Variants in SUGT1 observed in about 807,000 individuals in gnomAD.
SUGT1 encodes the protein protein SGT1 homolog.
A neutral mutation model predicts 56.1 loss-of-function variants in SUGT1; 15 were observed. The ratio of observed to expected loss-of-function variants is 0.27; its 90% CI spans 0.18 to 0.41. SUGT1 has a LOEUF of 0.41. Among genes scored for constraint, SUGT1 ranks in the 10% least tolerant of loss-of-function variants. The pLI, the probability that SUGT1 is intolerant of heterozygous loss-of-function variation, is 1.00. For synonymous variants in SUGT1, 123 were observed against 128.6 expected (o/e 0.96, Z 0.30); for missense variants, 347 against 382.2 (o/e 0.91, Z 0.77).
intron 12 of SUGT1, among the ~76,000 whole-genome samples, chr13:52,686,237 T>C (rs1022559657): frequency 6.6e-6 from 1 of 152,170 alleles, no homozygotes; most frequent in African/African-American, 2.4e-5. Context: ...CTTGGGGTAG[T>C]TTATTATACA....
At chr13:52,667,222 A>C (rs897189761) in intron 10 of SUGT1, among the ~76,000 whole-genome samples, 1 of 152,226 alleles carries the variant, frequency 6.6e-6, no homozygotes, top group Non-Finnish European at 1.5e-5. Context: ...AAGATTTGAT[A>C]CTGACAATGT....
intron 2 of SUGT1, among the ~76,000 whole-genome samples, chr13:52,657,030 C>T (rs7334137): frequency 0.52 from 79,115 of 151,950 alleles, 20,827 homozygotes; most frequent in East Asian, 0.74. Flanking sequence ...GAGTTGTGTG[C>T]TATTGTTAGA....
chr13:52,663,500 G>C (rs527656131), intron 7 of SUGT1, among the ~76,000 whole-genome samples: 12 of 152,268 alleles, frequency 7.9e-5, no homozygotes, highest in African/African-American at 2.9e-4. Context: ...ACAGGGTCTT[G>C]CTCTGTCATG....
At chr13:52,678,962 G>A (rs1963259719) in intron 11 of SUGT1, among the ~76,000 whole-genome samples, 1 of 152,052 alleles carries the variant, frequency 6.6e-6, no homozygotes, top group South Asian at 2.1e-4. Context: ...GATTATAGGT[G>A]TGAGCCCCCA....
rs943750504 is a variant in SUGT1 at position 52,687,889 on chromosome 13, T to C, written c.*54T>C. The C allele has an allele frequency of 4.4e-6, 5 of 1,146,666 alleles. No homozygotes were observed. Among genetic ancestry groups the C allele is most frequent in the Non-Finnish European group, 6.1e-6 (5 of 817,072 alleles). 71.0% of individuals were successfully genotyped at this position (1,146,666 alleles called of 1,614,324 possible). A position where few individuals can be genotyped will look rare whatever the true frequency, so the allele number is the denominator to read the frequency against. On this transcript the variant is annotated 3_prime_UTR_variant, in exon 13 of 13. Coordinates refer to ENST00000310528, the MANE Select transcript of SUGT1 (RefSeq NM_006704.5). ...GTATATTCACCTAATGCCCATTGTGTATTGATATTGCATTCTTGAATTTTG... is the reference window on the plus strand; with the variant it reads ...GTATATTCACCTAATGCCCATTGTGCATTGATATTGCATTCTTGAATTTTG...
In SUGT1 at chr13:52,658,496, G is replaced by A. The variant is rs1006123638; in HGVS notation, c.257+28G>A. ...ATGCAGTAGCTACTCTTCTTGTTGAGCTTGGTATAGATAGTAGGTATTTAA... is the reference window on the plus strand; with the variant it reads ...ATGCAGTAGCTACTCTTCTTGTTGAACTTGGTATAGATAGTAGGTATTTAA... On this transcript the variant is annotated intron_variant, in intron 4 of 12. Transcript: ENST00000310528. The A allele has an allele frequency of 2.5e-6, 4 of 1,595,340 alleles. No individual in the cohort carries two copies. In the African/African-American group the frequency reaches 5.4e-5, roughly 22 times the overall value.
chr13:52,676,077 T>C (rs1395213416), intron 10 of SUGT1, among the ~76,000 whole-genome samples, 153 bp from the exon 11 acceptor site: 1 of 152,236 alleles, frequency 6.6e-6, no homozygotes, highest in Non-Finnish European at 1.5e-5. Context: ...AACAAAATTG[T>C]TTCATAGTTT....
intron 5 of SUGT1, among the ~76,000 whole-genome samples, chr13:52,659,538 A>G (rs1159781462): frequency 6.6e-6 from 1 of 151,808 alleles, no homozygotes; most frequent in East Asian, 1.9e-4. Flanking sequence ...TCTAATGGAG[A>G]AGTGAAAGTT....
rs142246432 is a variant in SUGT1 at position 52,658,992 on chromosome 13, A to G, written c.258-187A>G. Among the ~76,000 whole-genome samples the G allele has an allele frequency of 9.5e-3, 1,444 of 152,206 alleles. 17 individuals carry two copies. Among genetic ancestry groups the G allele is most frequent in the South Asian group, 0.025 (121 of 4,826 alleles). ...TCAGATTCCTTCTGAAGTGAGTTCT[A>G]AAATTGAATTTTAGTAGGAATTGTA... is the stretch of plus-strand genomic sequence containing the variant. On this transcript the variant is annotated intron_variant, in intron 4 of 12. Transcript: ENST00000310528.
intron 6 of SUGT1, 25 bp from the exon 7 acceptor site, chr13:52,663,071 A>G (rs1443835315): frequency 1.2e-6 from 2 of 1,604,716 alleles, no homozygotes; most frequent in Non-Finnish European, 1.7e-6. Context: ...TTCCCTGAAA[A>G]TGTTTCCTTT....
rs908977977 is a variant in SUGT1, at chr13:52,697,403, T to G, written c.*9568T>G. 2 of 152,204 alleles carry G rather than the reference T, an allele frequency of 1.3e-5. No individual in the cohort carries two copies. The highest frequency in any genetic ancestry group is 2.9e-5 in the Non-Finnish European group (2 of 68,050). The allele number at this position is 152,204 out of a possible 1,614,324, so 9.4% of individuals were successfully genotyped here. A position where few individuals can be genotyped will look rare whatever the true frequency, so the allele number is the denominator to read the frequency against. Reference sequence around the variant, plus strand: ...ATTCATACAAAATTATGAGCCCAAATGTCTTGGGGAGAGTACAGGAGAGGC... The same window carrying G: ...ATTCATACAAAATTATGAGCCCAAAGGTCTTGGGGAGAGTACAGGAGAGGC... On this transcript the variant is annotated 3_prime_UTR_variant, in exon 13 of 13. Coordinates refer to ENST00000310528, the MANE Select transcript of SUGT1 (RefSeq NM_006704.5).
intron 2 of SUGT1, among the ~76,000 whole-genome samples, chr13:52,656,307 C>T (rs536154637): frequency 1.2e-4 from 18 of 152,308 alleles, no homozygotes; most frequent in African/African-American, 4.1e-4. Flanking sequence ...ACATGTTCAC[C>T]CATTAGCAAG....
At chr13:52,685,465 T>C (rs1044156986) in intron 12 of SUGT1, among the ~76,000 whole-genome samples, 7 of 151,982 alleles carry the variant, frequency 4.6e-5, no homozygotes, top group African/African-American at 1.5e-4. Context: ...CTGGGAAGAA[T>C]AGGAAAAGTA....
At chr13:52,657,746 C>G in intron 3 of SUGT1, 124 bp downstream of exon 3, 1 of 799,464 alleles carries the variant, frequency 1.3e-6, no homozygotes, top group Non-Finnish European at 1.9e-6. Flanking sequence ...TAAAGTAGCT[C>G]AAATGTGACA....
At chr13:52,685,893 C>G (rs1434054682) in intron 12 of SUGT1, among the ~76,000 whole-genome samples, 1 of 152,108 alleles carries the variant, frequency 6.6e-6, no homozygotes, top group Non-Finnish European at 1.5e-5. Context: ...GATTGTAAAC[C>G]AAATCCACAA....
At chr13:52,664,558 G>T (rs756336289) in intron 8 of SUGT1, among the ~76,000 whole-genome samples, 1 of 152,136 alleles carries the variant, frequency 6.6e-6, no homozygotes, top group African/African-American at 2.4e-5. Flanking sequence ...TCTTAGGACC[G>T]TAACAGAAAC....
At chr13:52,658,110 A>G in intron 3 of SUGT1, 3 of 1,307,372 alleles carry the variant, frequency 2.3e-6, no homozygotes, top group Non-Finnish European at 2.9e-6. Context: ...GAAAAACTGA[A>G]TACCTTGAGT....
chr13:52,671,812 T>A (rs1962955681), intron 10 of SUGT1, among the ~76,000 whole-genome samples: 1 of 152,198 alleles, frequency 6.6e-6, no homozygotes, highest in African/African-American at 2.4e-5. Context: ...ATCTAACCAA[T>A]GGCACCTATT....
At chr13:52,662,222 A>G (rs895864265) in intron 5 of SUGT1, among the ~76,000 whole-genome samples, 7 of 152,176 alleles carry the variant, frequency 4.6e-5, no homozygotes, top group African/African-American at 9.6e-5. Context: ...TTGAAGAGCA[A>G]GCTGGGGCTG....
Sources: gnomAD v4.1 joint callset for allele counts (sites outside exome capture counted in the v4.1 genomes callset) on GRCh38, gnomAD v4.1.1 for gene constraint, MANE v1.5 for transcripts, NCBI Gene and HGNC (gene_info 2026-07-23, HGNC 2026-07-21) for gene names.